The following RXFP1 variants were observed in gnomAD, a reference collection of about 807,000 sequenced individuals.
RXFP1 encodes the protein relaxin family peptide receptor 1.
A neutral mutation model predicts 89.8 loss-of-function variants in RXFP1; 73 were observed. That is an observed-to-expected ratio of 0.81 (90% CI 0.67 to 0.99). The LOEUF (loss-of-function observed/expected upper bound fraction) is 0.99, where lower values mean the gene tolerates loss of function less well. Ranked by LOEUF, RXFP1 falls within the 50% of genes least tolerant of loss-of-function variation. The pLI, the probability that RXFP1 is intolerant of heterozygous loss-of-function variation, is 0.00. For synonymous variants in RXFP1, 277 were observed against 305.5 expected, an observed-to-expected ratio of 0.91 and a Z score of 0.97; for missense variants, 793 against 895.5, an observed-to-expected ratio of 0.89 and a Z score of 1.46.
intron 9 of RXFP1, among the ~76,000 whole-genome samples, chr4:158,624,199 G>C (rs1475975205): frequency 1.3e-5 from 2 of 152,156 alleles, no homozygotes; most frequent in African/African-American, 2.4e-5. Context: ...TAAAACAGGA[G>C]AAGGGTCATC....
At chr4:158,567,679 T>C (rs1164219261) in intron 1 of RXFP1, among the ~76,000 whole-genome samples, 5 of 152,034 alleles carry the variant, frequency 3.3e-5, no homozygotes, top group African/African-American at 1.2e-4. Flanking sequence ...GTACTCTGTA[T>C]CTAGCTAATC....
intron 6 of RXFP1, among the ~76,000 whole-genome samples, chr4:158,609,551 A>C (rs1580033874): frequency 6.6e-6 from 1 of 152,192 alleles, no homozygotes; most frequent in African/African-American, 2.4e-5. Flanking sequence ...TTTTCCACCT[A>C]TACTGTTCTG....
chr4:158,626,170 AGATAGATG>A (rs1429622770), intron 9 of RXFP1, among the ~76,000 whole-genome samples: 3 of 142,942 alleles, frequency 2.1e-5, no homozygotes, highest in East Asian at 2.1e-4. Context: ...ATAGATAGAT[AGATAGATG>A]TAGAGATAGA....
At chr4:158,625,142 A>G (rs899480029) in intron 9 of RXFP1, among the ~76,000 whole-genome samples, 3 of 152,186 alleles carry the variant, frequency 2.0e-5, no homozygotes, top group African/African-American at 7.2e-5. Flanking sequence ...GGAAATGGCC[A>G]GTCCCTGTCA....
At chr4:158,594,895 G>A (rs1760234255) in intron 3 of RXFP1, among the ~76,000 whole-genome samples, 1 of 151,944 alleles carries the variant, frequency 6.6e-6, no homozygotes, top group African/African-American at 2.4e-5. Context: ...GAATAATTGA[G>A]GCTTTATTTA....
At chr4:158,610,692 A>C in intron 6 of RXFP1, 2 of 1,289,716 alleles carry the variant, frequency 1.6e-6, no homozygotes, top group South Asian at 1.2e-5. Context: ...ACAGGTGAGC[A>C]TAGGGAGCAA....
chr4:158,569,218 G>A (rs187222655), intron 1 of RXFP1, among the ~76,000 whole-genome samples: 143 of 152,324 alleles, frequency 9.4e-4, no homozygotes, highest in African/African-American at 3.1e-3. Flanking sequence ...GTTTGAAAAG[G>A]CTACCTACTG....
At chr4:158,598,429 C>G (rs958963723) in intron 3 of RXFP1, among the ~76,000 whole-genome samples, 8 of 152,158 alleles carry the variant, frequency 5.3e-5, no homozygotes, top group African/African-American at 1.9e-4. Flanking sequence ...TCTGTAACCC[C>G]TGCTGTATAG....
chr4:158,591,838 C>T (rs1217048385), intron 2 of RXFP1, among the ~76,000 whole-genome samples: 3 of 152,184 alleles, frequency 2.0e-5, no homozygotes, highest in Non-Finnish European at 4.4e-5. Flanking sequence ...TTTATAACTT[C>T]ACTCTCTGTT....
chr4:158,626,148 A>ATAGATAGATAGATAGATAGT (rs1554019529), intron 9 of RXFP1, among the ~76,000 whole-genome samples: 3,824 of 149,688 alleles, frequency 0.026, 117 homozygotes, highest in African/African-American at 0.062. Context: ...AGATAGATAG[A>ATAGATAGATAGATAGATAGT]TAGATAGATA....
At chr4:158,648,798 T>G (rs1420188289) in intron 17 of RXFP1, 81 bp downstream of exon 17, 1 of 858,876 alleles carries the variant, frequency 1.2e-6, no homozygotes, top group African/African-American at 1.7e-5. Context: ...TTAAAATTCT[T>G]AACACTAAAC....
At chr4:158,593,733 A>G (rs1759997731) in intron 3 of RXFP1, among the ~76,000 whole-genome samples, 1 of 152,246 alleles carries the variant, frequency 6.6e-6, no homozygotes, top group Non-Finnish European at 1.5e-5. Context: ...TCTTAAGTGT[A>G]GAAGTAATAA....
chr4:158,569,950 A>G lies in RXFP1; in HGVS notation c.50-2748A>G, dbSNP rs2149987219. Reference sequence around the variant, plus strand: ...AAGTGGACTGCTTTTTGAAGTATTGATAGTTTTAAAGTTCTTATAGTGCTC... The same window carrying G: ...AAGTGGACTGCTTTTTGAAGTATTGGTAGTTTTAAAGTTCTTATAGTGCTC... On this transcript the variant is annotated intron_variant, in intron 1 of 17. Transcript: ENST00000307765. 2.0e-5 allele frequency among the ~76,000 whole-genome samples: 3 copies of G among 152,288 alleles called. No homozygotes were observed. In the Middle Eastern group the frequency reaches 0.01, roughly 518 times the overall value.
At chr4:158,634,671 A>G (rs1353655732) in intron 12 of RXFP1, among the ~76,000 whole-genome samples, 4 of 152,100 alleles carry the variant, frequency 2.6e-5, no homozygotes, top group African/African-American at 9.7e-5. Flanking sequence ...TAGCTTTAAT[A>G]TTTAGGTCTT....
At position 158,651,915 on chromosome 4, in the gene RXFP1, A is replaced by G. The variant is rs774799559; in HGVS notation, c.2134A>G (p.Thr712Ala). ...RKSMDSKGQKTYAPSFIWVEM... is the reference protein window; with the variant it reads ...RKSMDSKGQKAYAPSFIWVEM... ...ATCTATGGACAGCAAAGGTCAGAAA[A>G]CATATGCTCCATCATTCATCTGGGT... Residue 712 changes from threonine (T) to alanine (A), a missense_variant, in exon 18 of 18, where the codon ACA becomes GCA. Coordinates refer to ENST00000307765, the MANE Select transcript of RXFP1 (RefSeq NM_021634.4). The G allele has an allele frequency of 1.2e-6, 2 of 1,614,176 alleles. No individual in the cohort carries two copies. Among genetic ancestry groups the G allele is most frequent in the East Asian group, 2.2e-5 (1 of 44,880 alleles).
intron 9 of RXFP1, among the ~76,000 whole-genome samples, chr4:158,619,576 C>T (rs1765215465): frequency 6.6e-6 from 1 of 152,162 alleles, no homozygotes; most frequent in Non-Finnish European, 1.5e-5. Flanking sequence ...CTTTAACAGG[C>T]TCTTTTTCAC....
intron 1 of RXFP1, among the ~76,000 whole-genome samples, chr4:158,561,506 AAAAT>A (rs1752418556): frequency 6.6e-6 from 1 of 152,224 alleles, no homozygotes; most frequent in African/African-American, 2.4e-5. Context: ...TTCATTTTCC[AAAAT>A]ATCTGAGAAT....
intron 1 of RXFP1, among the ~76,000 whole-genome samples, chr4:158,527,564 A>ATATATATATATATAT (rs1553989393): frequency 2.2e-4 from 22 of 98,334 alleles, no homozygotes; most frequent in African/African-American, 4.6e-4. Flanking sequence ...AAAAAAAAAA[A>ATATATATATATATAT]ATATATATAT....
chr4:158,552,087 A>G (rs1352024014), intron 1 of RXFP1, among the ~76,000 whole-genome samples: 1 of 152,246 alleles, frequency 6.6e-6, no homozygotes, highest in Non-Finnish European at 1.5e-5. Context: ...TCTAGATGTG[A>G]ATACAGATTA....
Sources: allele counts gnomAD v4.1 joint callset (sites outside exome capture counted in the v4.1 genomes callset), GRCh38; gene constraint gnomAD v4.1.1; transcripts MANE v1.5; gene names NCBI Gene and HGNC (gene_info 2026-07-23, HGNC 2026-07-21).